PIGB: variants seen among roughly 807,000 people sequenced by gnomAD.
The protein encoded by PIGB is phosphatidylinositol glycan anchor biosynthesis class B.
PIGB carries 58 observed loss-of-function variants against 68.4 expected under a neutral mutation model. The ratio of observed to expected loss-of-function variants is 0.85; its 90% CI spans 0.69 to 1.06. The LOEUF is 1.06. Ranked by LOEUF, PIGB falls within the 50% of genes least tolerant of loss-of-function variation. The probability of loss-of-function intolerance (pLI) is 0.00; values close to 1 mark genes in which losing one functional copy is unlikely to be tolerated. For missense variants in PIGB, 634 were observed against 655.8 expected, an observed-to-expected ratio of 0.97 and a Z score of 0.36; for synonymous variants, 219 against 220.5, an observed-to-expected ratio of 0.99 and a Z score of 0.06.
At chr15:55,348,703 C>T (rs1221489521) in intron 9 of PIGB, among the ~76,000 whole-genome samples, 2 of 152,186 alleles carry the variant, frequency 1.3e-5, no homozygotes, top group Non-Finnish European at 2.9e-5. Flanking sequence ...GAAGCCCTCA[C>T]CAGTGGATGC....
chr15:55,337,546 G>A (rs1002551569), intron 6 of PIGB, among the ~76,000 whole-genome samples: 2 of 152,200 alleles, frequency 1.3e-5, no homozygotes, highest in African/African-American at 2.4e-5. Flanking sequence ...AGGTGGAACA[G>A]TTTCATCCAG....
chr15:55,339,004 T>C (rs969323374), intron 6 of PIGB, among the ~76,000 whole-genome samples: 5 of 152,204 alleles, frequency 3.3e-5, no homozygotes, highest in Non-Finnish European at 5.9e-5. Context: ...TTAACAAGTT[T>C]TGGGGTAATT....
At chr15:55,327,506 C>T in intron 3 of PIGB, 25 bp from the exon 4 acceptor site, 1 of 1,447,284 alleles carries the variant, frequency 6.9e-7, no homozygotes, top group Non-Finnish European at 9.6e-7. Flanking sequence ...TTTTAACATC[C>T]TGTTCTTCTT....
chr15:55,336,039 G>A (rs1024970087), intron 6 of PIGB, among the ~76,000 whole-genome samples: 3 of 152,038 alleles, frequency 2.0e-5, no homozygotes, highest in East Asian at 1.9e-4. Flanking sequence ...AGTCTGTGGG[G>A]GAAAAAGATA....
rs2141154747 is a variant in PIGB at position 55,319,369 on chromosome 15, C to T, written c.119C>T (p.Thr40Ile). 1 of 1,556,338 alleles carries T rather than the reference C, an allele frequency of 6.4e-7. No homozygotes were observed. The highest frequency in any genetic ancestry group is 8.7e-7 in the Non-Finnish European group (1 of 1,149,388). Residue 40 changes from threonine (T) to isoleucine (I), a missense_variant, in exon 1 of 12, where the codon ACC becomes ATC. Coordinates refer to ENST00000164305, the MANE Select transcript of PIGB (RefSeq NM_004855.5). ...ATAAAGCTGCGAAAGAGAAAGTCTACCTTGTACTTCAACACCCAGGAGAAG... is the reference window on the plus strand; with the variant it reads ...ATAAAGCTGCGAAAGAGAAAGTCTATCTTGTACTTCAACACCCAGGAGAAG... Reference protein sequence around the residue: ...GKIKLRKRKSTLYFNTQEKSA... With the variant: ...GKIKLRKRKSILYFNTQEKSA...
rs1474037770 is a variant in PIGB at position 55,321,384 on chromosome 15, G to A, written c.411G>A (p.Gln137=). 6.3e-7 allele frequency: 1 copy of A among 1,591,846 alleles called. No homozygotes were observed. Among genetic ancestry groups the A allele is most frequent in the African/African-American group, 1.3e-5 (1 of 74,290 alleles). The part of the protein sequence containing the change: ...ILHLLGKDSV[Q]LLIWIPRLAQ... ...ATCTTTTAGGGAAAGATAGTGTTCAGTTGCTGGTAAGTTTAAATAAAAGTA... is the reference window on the plus strand; with the variant it reads ...ATCTTTTAGGGAAAGATAGTGTTCAATTGCTGGTAAGTTTAAATAAAAGTA... Residue 137 remains glutamine, a synonymous_variant, in exon 3 of 12, where the codon CAG becomes CAA. Transcript: ENST00000164305.
At chr15:55,341,876 A>G in intron 9 of PIGB, 74 bp downstream of exon 9, 1 of 573,800 alleles carries the variant, frequency 1.7e-6, no homozygotes, top group African/African-American at 1.9e-5. Context: ...TCATTAAACT[A>G]TGTCTATTTT....
chr15:55,329,728 T>C lies in PIGB; in HGVS notation c.527T>C (p.Phe176Ser). 1 of 1,607,614 alleles carries C rather than the reference T, an allele frequency of 6.2e-7. No homozygotes were observed. The highest frequency in any genetic ancestry group is 8.5e-7 in the Non-Finnish European group (1 of 1,177,852). ...TTGCTCTGTACTTTTTCTTAGTTTTTTTGCCAGTTGTGCTCCTGGTTCACA... is the reference window on the plus strand; with the variant it reads ...TTGCTCTGTACTTTTTCTTAGTTTTCTTGCCAGTTGTGCTCCTGGTTCACA... Reference protein sequence around the residue: ...ENQEVARWVFFCQLCSWFTWY... With the variant: ...ENQEVARWVFSCQLCSWFTWY... The change falls in exon 5 of 12, where the codon TTT (phenylalanine) becomes TCT (serine). Residue 176 changes from phenylalanine to serine, a missense_variant. Phe to Ser is a radical substitution (Grantham distance 155). Transcript: ENST00000164305.
intron 9 of PIGB, among the ~76,000 whole-genome samples, chr15:55,347,988 T>C (rs1053830557): frequency 2.1e-5 from 2 of 94,870 alleles, no homozygotes; most frequent in African/African-American, 1.2e-4. Flanking sequence ...AGTTTCTTTT[T>C]TTTTTTTTTT....
At chr15:55,352,689 G>A (rs905798533) in intron 10 of PIGB, among the ~76,000 whole-genome samples, 7 of 152,040 alleles carry the variant, frequency 4.6e-5, no homozygotes, top group African/African-American at 9.7e-5. Context: ...CTCGGGAGGC[G>A]GAGGTTGCAG....
At chr15:55,347,341 G>A (rs1595800076) in intron 9 of PIGB, among the ~76,000 whole-genome samples, 2 of 152,294 alleles carry the variant, frequency 1.3e-5, no homozygotes, top group South Asian at 2.1e-4. Flanking sequence ...CAGGAGAATC[G>A]CTTGTAACCC....
At chr15:55,319,439 A>G (rs780157438) in intron 1 of PIGB, 26 bp downstream of exon 1, 49 of 1,543,134 alleles carry the variant, frequency 3.2e-5, no homozygotes, top group Admixed American at 4.0e-5. Flanking sequence ...CTGTCTGGAG[A>G]GCTCCTACCC....
chr15:55,346,713 G>A (rs1289955185), intron 9 of PIGB: 1 of 152,190 alleles, frequency 6.6e-6, no homozygotes, highest in African/African-American at 2.4e-5. Flanking sequence ...GGTCATTTGA[G>A]GGTGGATTAT....
Position 55,355,566 on chromosome 15 carries a change from G to A in PIGB, c.*134G>A. 1 of 636,346 alleles carries A rather than the reference G, an allele frequency of 1.6e-6. No homozygotes were observed. Among genetic ancestry groups the A allele is most frequent in the South Asian group, 2.4e-5 (1 of 40,948 alleles). The allele number at this position is 636,346 out of a possible 1,614,324, so 39.4% of individuals were successfully genotyped here. On this transcript the variant is annotated 3_prime_UTR_variant, in exon 12 of 12. Transcript: ENST00000164305. ...CTGCTTTACCAAATATCACTACTGA[G>A]GAAATGTATAAAATACCACATAGTA...
chr15:55,343,457 CG>C (rs1411825013), intron 9 of PIGB: 1 of 152,068 alleles, frequency 6.6e-6, no homozygotes, highest in Non-Finnish European at 1.5e-5. Context: ...CTGGAGGGGA[CG>C]GGGAGGTTGG....
At chr15:55,344,054 T>C (rs1225366367) in intron 9 of PIGB, among the ~76,000 whole-genome samples, 1 of 152,242 alleles carries the variant, frequency 6.6e-6, no homozygotes, top group Non-Finnish European at 1.5e-5. Flanking sequence ...ATTTCAGCCT[T>C]ATTCTGCTTT....
chr15:55,352,496 T>C (rs1357586462), intron 10 of PIGB, among the ~76,000 whole-genome samples: 4 of 152,268 alleles, frequency 2.6e-5, no homozygotes, highest in Non-Finnish European at 5.9e-5. Flanking sequence ...TACAGAAAAT[T>C]ATATACCAGG....
rs144246652 is a variant in PIGB, at chr15:55,330,962, C to G, written c.653+1108C>G. 2.1e-3 allele frequency among the ~76,000 whole-genome samples: 317 copies of G among 152,324 alleles called. 1 individual carries two copies. Among genetic ancestry groups the G allele is most frequent in the African/African-American group, 7.0e-3 (290 of 41,562 alleles). On this transcript the variant is annotated intron_variant, in intron 5 of 11. Transcript: ENST00000164305. ...GGCATCTCAAGCCTTGTGGCTAGGA[C>G]TGGAAGAAAACTGTAGAATATCTGA...
rs2055157818 is a variant in PIGB, at chr15:55,321,313, A to G, written c.340A>G (p.Ser114Gly). The G allele has an allele frequency of 5.0e-6, 8 of 1,605,792 alleles. No individual in the cohort carries two copies. The East Asian group carries it at 1.8e-4, about 36-fold the overall frequency. ...LTWEWTERLR[S>G]YTYPLIFASI... The stretch of plus-strand genomic sequence containing the variant: ...TTGGGAATGGACAGAGAGACTGAGG[A>G]GTTACACTTATCCCTTAATCTTTGC... The change falls in exon 3 of 12, where the codon AGT becomes GGT. Residue 114 changes from serine to glycine, a missense_variant. Transcript: ENST00000164305.
Sources: gnomAD v4.1 joint callset for allele counts (sites outside exome capture counted in the v4.1 genomes callset) on GRCh38, gnomAD v4.1.1 for gene constraint, MANE v1.5 for transcripts, NCBI Gene and HGNC (gene_info 2026-07-23, HGNC 2026-07-21) for gene names.